Variants in TMC1 observed in about 807,000 individuals in gnomAD.
The protein encoded by TMC1 is transmembrane channel like 1.
A neutral mutation model predicts 105.8 loss-of-function variants in TMC1; 84 were observed. The observed-to-expected ratio is 0.79, with a 90% CI of 0.67 to 0.95. The LOEUF (loss-of-function observed/expected upper bound fraction) is 0.95. TMC1 is among the 40% of genes least tolerant of loss of function. TMC1 has a pLI of 0.00. For missense variants in TMC1, 817 were observed against 914.1 expected, an observed-to-expected ratio of 0.89 and a Z score of 1.37; for synonymous variants, 315 against 311.5, an observed-to-expected ratio of 1.01 and a Z score of -0.12.
intron 2 of TMC1, among the ~76,000 whole-genome samples, chr9:72,600,037 G>T (rs1329273294): frequency 2.6e-5 from 4 of 152,148 alleles, no homozygotes; most frequent in African/African-American, 9.7e-5. Flanking sequence ...CTTTGTGGAG[G>T]TTGTGTAATT....
intron 2 of TMC1, among the ~76,000 whole-genome samples, chr9:72,609,760 A>G (rs1270319202): frequency 2.6e-5 from 4 of 152,014 alleles, no homozygotes; most frequent in African/African-American, 9.7e-5. Context: ...TCATTTCCAC[A>G]TCTGATTCAA....
intron 5 of TMC1, among the ~76,000 whole-genome samples, chr9:72,667,663 T>C (rs1482700372): frequency 6.6e-6 from 1 of 152,246 alleles, no homozygotes; most frequent in Admixed American, 6.5e-5. Flanking sequence ...CTGAGAACTC[T>C]GGGCATTTTT....
intron 5 of TMC1, among the ~76,000 whole-genome samples, chr9:72,683,548 A>G (rs1826322946): frequency 1.3e-5 from 2 of 150,852 alleles, no homozygotes; most frequent in Admixed American, 6.6e-5. Context: ...CTTATTTTTT[A>G]TAGTTTCACT....
At chr9:72,696,743 T>C (rs928229878) in intron 7 of TMC1, among the ~76,000 whole-genome samples, 2 of 152,158 alleles carry the variant, frequency 1.3e-5, no homozygotes, top group African/African-American at 4.8e-5. Flanking sequence ...TTACAGGCTT[T>C]TCCTGACCCA....
chr9:72,547,041 C>T (rs1410467511), intron 1 of TMC1, among the ~76,000 whole-genome samples: 1 of 152,128 alleles, frequency 6.6e-6, no homozygotes, highest in Non-Finnish European at 1.5e-5. Flanking sequence ...AATCCCAGCA[C>T]CTTGGGAGGC....
intron 1 of TMC1, among the ~76,000 whole-genome samples, chr9:72,561,686 C>T (rs1041319350): frequency 6.6e-6 from 1 of 152,184 alleles, no homozygotes; most frequent in African/African-American, 2.4e-5. Context: ...GGTAAGGTCT[C>T]TTGCCAAAGG....
intron 1 of TMC1, among the ~76,000 whole-genome samples, chr9:72,576,168 T>C (rs1028040387): frequency 6.6e-6 from 1 of 152,220 alleles, no homozygotes; most frequent in African/African-American, 2.4e-5. Context: ...AAAACAGCTC[T>C]AATGTGAGAA....
chr9:72,585,103 G>T (rs553596620), intron 2 of TMC1, among the ~76,000 whole-genome samples: 47 of 149,548 alleles, frequency 3.1e-4, no homozygotes, highest in African/African-American at 1.2e-3. Flanking sequence ...TGATAAAGGG[G>T]TGTCATTGGG....
intron 10 of TMC1, among the ~76,000 whole-genome samples, chr9:72,747,741 T>C (rs1466683108): frequency 6.6e-6 from 1 of 151,978 alleles, no homozygotes; most frequent in African/African-American, 2.4e-5. Flanking sequence ...GATTACAGGC[T>C]CCTGCCACTA....
At chr9:72,705,978 G>A (rs1238864397) in intron 8 of TMC1, among the ~76,000 whole-genome samples, 1 of 152,110 alleles carries the variant, frequency 6.6e-6, no homozygotes, top group Non-Finnish European at 1.5e-5. Context: ...ACTTAAACAG[G>A]TGCTTCAAAC....
At chr9:72,609,179 CCCTTCCTT>C (rs60808924) in intron 2 of TMC1, among the ~76,000 whole-genome samples, 28,158 of 136,056 alleles carry the variant, frequency 0.21, 3,247 homozygotes, top group Non-Finnish European at 0.28. Context: ...CTTCCTCCTT[CCCTTCCTT>C]CCTTCCTTCC....
intron 12 of TMC1, among the ~76,000 whole-genome samples, chr9:72,772,054 C>A (rs751056655): frequency 2.0e-5 from 3 of 152,152 alleles, no homozygotes; most frequent in Non-Finnish European, 4.4e-5. Flanking sequence ...TTTTTCAGAT[C>A]CCCATCCCCT....
intron 4 of TMC1, among the ~76,000 whole-genome samples, chr9:72,647,158 AAGAG>A (rs1257372051): frequency 3.3e-5 from 5 of 151,298 alleles, no homozygotes; most frequent in African/African-American, 4.8e-5. Context: ...AAAAAAAAAA[AAGAG>A]AGAGAAAAGA....
chr9:72,650,887 TATAG>T (rs1459181695), intron 5 of TMC1, among the ~76,000 whole-genome samples: 5 of 140,366 alleles, frequency 3.6e-5, no homozygotes, highest in Middle Eastern at 3.8e-3. Context: ...TATATAGATA[TATAG>T]ATATATATAT....
At chr9:72,601,393 C>T (rs1322271958) in intron 2 of TMC1, among the ~76,000 whole-genome samples, 1 of 152,072 alleles carries the variant, frequency 6.6e-6, no homozygotes, top group Admixed American at 6.5e-5. Flanking sequence ...CCTATAGTCC[C>T]AGCACTTTGG....
chr9:72,742,161 T>G (rs1252624417), intron 9 of TMC1, among the ~76,000 whole-genome samples: 2 of 152,232 alleles, frequency 1.3e-5, no homozygotes, highest in Non-Finnish European at 2.9e-5. Context: ...TCCCCTGCTT[T>G]CTTATTGTGT....
chr9:72,734,510 A>G (rs1827265675), intron 8 of TMC1, among the ~76,000 whole-genome samples: 1 of 151,966 alleles, frequency 6.6e-6, no homozygotes, highest in Middle Eastern at 3.2e-3. Flanking sequence ...GATTTTCAAT[A>G]ATTCTACCAG....
intron 5 of TMC1, among the ~76,000 whole-genome samples, chr9:72,665,198 G>C (rs1826023611): frequency 6.6e-6 from 1 of 152,148 alleles, no homozygotes; most frequent in Non-Finnish European, 1.5e-5. Context: ...GTCGTTATGT[G>C]GTACGTGACT....
chr9:72,631,981 A>G (rs922047838), intron 4 of TMC1, among the ~76,000 whole-genome samples: 1 of 152,238 alleles, frequency 6.6e-6, no homozygotes, highest in Admixed American at 6.5e-5. Context: ...GTAATAAAAT[A>G]TCCATTGCAT....
Sources: gnomAD v4.1 joint callset for allele counts (sites outside exome capture counted in the v4.1 genomes callset) on GRCh38, gnomAD v4.1.1 for gene constraint, MANE v1.5 for transcripts, NCBI Gene and HGNC (gene_info 2026-07-23, HGNC 2026-07-21) for gene names.